The following THSD7A variants were observed in gnomAD, a reference collection of about 807,000 sequenced individuals.
THSD7A encodes thrombospondin type 1 domain containing 7A.
A neutral mutation model predicts 231.3 loss-of-function variants in THSD7A; 96 were observed. The ratio of observed to expected loss-of-function variants is 0.41; its 90% confidence interval spans 0.35 to 0.49. The LOEUF is 0.49. Among genes scored for constraint, THSD7A ranks in the 20% least tolerant of loss-of-function variants. The pLI is 0.05. For missense variants in THSD7A, 2,290 were observed against 2,070.2 expected (o/e 1.11, Z -2.06); for synonymous variants, 940 against 743.3 (o/e 1.26, Z -4.30).
chr7:11,541,716 T>C (rs953256747), intron 5 of THSD7A, 85 bp from the exon 6 acceptor site: 10 of 1,321,604 alleles, frequency 7.6e-6, no homozygotes, highest in Non-Finnish European at 9.5e-6. Context: ...AGAGTAAAAG[T>C]TGGATAAGAG....
chr7:11,702,364 G>C (rs941261076), intron 1 of THSD7A, among the ~76,000 whole-genome samples: 1 of 151,184 alleles, frequency 6.6e-6, no homozygotes, highest in African/African-American at 2.4e-5. Context: ...GTTACAGCAT[G>C]ACTGTGGTTT....
chr7:11,753,592 T>G (rs1782577595), intron 1 of THSD7A, among the ~76,000 whole-genome samples: 2 of 151,200 alleles, frequency 1.3e-5, no homozygotes, highest in Admixed American at 6.6e-5. Context: ...TGGCTGTAAC[T>G]ACTGCCCCTA....
chr7:11,721,090 T>A (rs186606623), intron 1 of THSD7A, among the ~76,000 whole-genome samples: 1 of 151,886 alleles, frequency 6.6e-6, no homozygotes, highest in Admixed American at 6.6e-5. Context: ...GATTAATATA[T>A]TAAACTGTTA....
chr7:11,767,166 C>A (rs544716182), intron 1 of THSD7A, among the ~76,000 whole-genome samples: 1 of 152,218 alleles, frequency 6.6e-6, no homozygotes, highest in African/African-American at 2.4e-5. Flanking sequence ...AACAGGGGTA[C>A]ACTGTACATT....
At chr7:11,829,412 A>G (rs1190842781) in intron 1 of THSD7A, among the ~76,000 whole-genome samples, 1 of 152,186 alleles carries the variant, frequency 6.6e-6, no homozygotes, top group Non-Finnish European at 1.5e-5. Flanking sequence ...TAGGAAGCCA[A>G]GAACCAAAGT....
At chr7:11,820,994 G>A in intron 1 of THSD7A, 2 of 1,034,886 alleles carry the variant, frequency 1.9e-6, no homozygotes, top group South Asian at 1.5e-5. Context: ...GATCATCTCT[G>A]TATTTTCCCT....
chr7:11,714,197 T>G (rs1781057618), intron 1 of THSD7A, among the ~76,000 whole-genome samples: 1 of 151,220 alleles, frequency 6.6e-6, no homozygotes, highest in African/African-American at 2.4e-5. Flanking sequence ...AAAATAATAG[T>G]ATAATAAATT....
chr7:11,820,700 A>G, intron 1 of THSD7A: 2 of 934,946 alleles, frequency 2.1e-6, no homozygotes, highest in Non-Finnish European at 3.5e-6. Context: ...CGATGTCTCA[A>G]AGCCCGTGGA....
chr7:11,826,048 A>G (rs1785018210), intron 1 of THSD7A, among the ~76,000 whole-genome samples: 1 of 152,236 alleles, frequency 6.6e-6, no homozygotes, highest in Non-Finnish European at 1.5e-5. Flanking sequence ...GCAGAGTAAT[A>G]AGTACTATTA....
At chr7:11,740,164 C>T (rs116545244) in intron 1 of THSD7A, among the ~76,000 whole-genome samples, 78 of 152,044 alleles carry the variant, frequency 5.1e-4, no homozygotes, top group African/African-American at 1.8e-3. Context: ...TCCTCAGTGG[C>T]TTCAAGGTAG....
chr7:11,379,150 C>A lies in THSD7A; in HGVS notation c.4721G>T (p.Ser1574Ile). The A allele has an allele frequency of 1.9e-6, 3 of 1,613,688 alleles. No homozygotes were observed. Among genetic ancestry groups the A allele is most frequent in the Non-Finnish European group, 2.5e-6 (3 of 1,179,700 alleles). ...GGGTTGGGTTGGATGTACAGCCCGA[C>A]TGGTTTTCACATCTCCTCTTTTGTC... is the stretch of plus-strand genomic sequence containing the variant. Reference protein sequence around the residue: ...MEDKRGDVKTSRAVHPTQPSS... With the variant: ...MEDKRGDVKTIRAVHPTQPSS... Residue 1574 changes from serine (S) to isoleucine (I), a missense_variant, in exon 26 of 28, where the codon AGT becomes ATT. By Grantham distance (142) the Ser-to-Ile change is moderately radical (BLOSUM62 -2). Coordinates refer to ENST00000423059, the MANE Select transcript of THSD7A (RefSeq NM_015204.3).
intron 1 of THSD7A, among the ~76,000 whole-genome samples, chr7:11,668,185 G>A (rs1218869104): frequency 6.6e-6 from 1 of 152,118 alleles, no homozygotes; most frequent in Non-Finnish European, 1.5e-5. Context: ...CTGTAATTGG[G>A]AGGCCTACAA....
chr7:11,558,373 G>C (rs1789936611), intron 4 of THSD7A, among the ~76,000 whole-genome samples: 1 of 152,020 alleles, frequency 6.6e-6, no homozygotes, highest in African/African-American at 2.4e-5. Context: ...ATACAACTGG[G>C]ATAATAAGAA....
chr7:11,456,046 T>G (rs980017071), intron 11 of THSD7A, among the ~76,000 whole-genome samples: 1 of 152,010 alleles, frequency 6.6e-6, no homozygotes, highest in Non-Finnish European at 1.5e-5. Context: ...AGAAGGAATT[T>G]GTGTTACATT....
chr7:11,460,826 A>T (rs1785479729), intron 10 of THSD7A, 61 bp from the exon 11 acceptor site: 2 of 1,332,222 alleles, frequency 1.5e-6, no homozygotes, highest in African/African-American at 2.9e-5. Flanking sequence ...AATCACAGAG[A>T]CACAGCAGCA....
At chr7:11,421,441 C>G (rs1784139877) in intron 16 of THSD7A, among the ~76,000 whole-genome samples, 1 of 131,130 alleles carries the variant, frequency 7.6e-6, no homozygotes, top group African/African-American at 3.8e-5. Flanking sequence ...CGAGCCATGT[C>G]TCTCCTGTAC....
chr7:11,635,808 C>T (rs1781816850), intron 2 of THSD7A, among the ~76,000 whole-genome samples: 1 of 152,042 alleles, frequency 6.6e-6, no homozygotes, highest in African/African-American at 2.4e-5. Context: ...ATTTCAGCCC[C>T]TAAGCAATTT....
At position 11,801,682 on chromosome 7, in the gene THSD7A, T is replaced by C. The variant is rs115472874; in HGVS notation, c.190+30075A>G. On this transcript the variant is annotated intron_variant, in intron 1 of 27. Transcript: ENST00000423059. ...AGAACTGGAAAAAAAAGAATACATT[T>C]TGTTTAGATGTGGAAAATGAGTAGC... Among the ~76,000 whole-genome samples, 1,242 of 152,310 alleles carry C rather than the reference T, an allele frequency of 8.2e-3. 11 individuals carry two copies. Among genetic ancestry groups the C allele is most frequent in the African/African-American group, 0.028 (1,177 of 41,550 alleles).
chr7:11,700,589 T>C (rs139809478), intron 1 of THSD7A, among the ~76,000 whole-genome samples: 2 of 151,384 alleles, frequency 1.3e-5, no homozygotes, highest in African/African-American at 4.8e-5. Flanking sequence ...AAATTGTAGT[T>C]GGAGTGTTTT....
Sources: gnomAD v4.1 joint callset for allele counts (sites outside exome capture counted in the v4.1 genomes callset) on GRCh38, gnomAD v4.1.1 for gene constraint, MANE v1.5 for transcripts, NCBI Gene and HGNC (gene_info 2026-07-23, HGNC 2026-07-21) for gene names.